BCL2L13: variants seen among roughly 807,000 people sequenced by gnomAD.
BCL2L13 encodes the protein bcl-2-like protein 13.
A neutral mutation model predicts 25.8 loss-of-function variants in BCL2L13; 13 were observed. The ratio of observed to expected loss-of-function variants is 0.50; its 90% CI spans 0.33 to 0.80. BCL2L13 has a LOEUF of 0.80. Among genes scored for constraint, BCL2L13 ranks in the 30% least tolerant of loss-of-function variants. BCL2L13 has a pLI of 0.02. For missense variants in BCL2L13, 504 were observed against 574.9 expected, an observed-to-expected ratio of 0.88 and a Z score of 1.26; for synonymous variants, 244 against 230.3, an observed-to-expected ratio of 1.06 and a Z score of -0.54.
chr22:17,722,088 C>G (rs1248540061), intron 6 of BCL2L13, among the ~76,000 whole-genome samples: 2 of 152,064 alleles, frequency 1.3e-5, no homozygotes, highest in African/African-American at 4.8e-5. Context: ...TAAATATATG[C>G]AAATAAGTAG....
At position 17,702,180 on chromosome 22, in the gene BCL2L13, A is replaced by G. The variant is rs914315172; in HGVS notation, c.457-63A>G. 3.9e-6 allele frequency: 5 copies of G among 1,269,908 alleles called. No homozygotes were observed. The South Asian group carries it at 7.9e-5, about 20-fold the overall frequency. The allele number at this position is 1,269,908 out of a possible 1,614,324, so 78.7% of individuals were successfully genotyped here. ...TTAAATATAATTTTCTAGTAGTTGA[A>G]CATATAAAACACATTATAAGAATTT... is the stretch of plus-strand genomic sequence containing the variant. On this transcript the variant is annotated intron_variant, in intron 5 of 6. Coordinates refer to ENST00000317582, the MANE Select transcript of BCL2L13 (RefSeq NM_015367.4).
At chr22:17,703,475 C>CTT (rs376749039) in intron 6 of BCL2L13, 9 of 152,116 alleles carry the variant, frequency 5.9e-5, no homozygotes, top group African/African-American at 1.9e-4. Context: ...TATGCGGACT[C>CTT]TCTTTCTTTC....
intron 2 of BCL2L13, among the ~76,000 whole-genome samples, chr22:17,664,981 C>T (rs1285434694): frequency 6.6e-6 from 1 of 152,208 alleles, no homozygotes; most frequent in Non-Finnish European, 1.5e-5. Context: ...GAGACATTTT[C>T]TCCATTGTTT....
intron 3 of BCL2L13, chr22:17,684,841 T>C (rs1265760168): frequency 9.2e-6 from 3 of 325,986 alleles, no homozygotes; most frequent in Middle Eastern, 1.1e-3. Context: ...CAGGCCATTC[T>C]CCTGCCTCAG....
At chr22:17,674,009 A>G (rs555824669) in intron 2 of BCL2L13, among the ~76,000 whole-genome samples, 34 of 152,314 alleles carry the variant, frequency 2.2e-4, no homozygotes, top group African/African-American at 7.2e-4. Context: ...ACACAAGTCT[A>G]GGACAAAGGA....
At chr22:17,663,321 G>T (rs2059131346) in intron 2 of BCL2L13, among the ~76,000 whole-genome samples, 1 of 152,262 alleles carries the variant, frequency 6.6e-6, no homozygotes, top group African/African-American at 2.4e-5. Context: ...TCCTAAGAAA[G>T]CTAGTGTAAA....
chr22:17,674,900 G>C (rs188761814), intron 2 of BCL2L13, among the ~76,000 whole-genome samples: 11 of 151,848 alleles, frequency 7.2e-5, no homozygotes, highest in African/African-American at 2.7e-4. Context: ...ATGCATAATG[G>C]AAAAATCCAA....
chr22:17,693,188 T>G (rs2060153212), intron 4 of BCL2L13, among the ~76,000 whole-genome samples: 1 of 151,434 alleles, frequency 6.6e-6, no homozygotes, highest in Non-Finnish European at 1.5e-5. Context: ...TATAATAATA[T>G]GTAATATAAA....
intron 2 of BCL2L13, among the ~76,000 whole-genome samples, chr22:17,673,178 A>G (rs923462189): frequency 6.6e-6 from 1 of 152,070 alleles, no homozygotes; most frequent in Non-Finnish European, 1.5e-5. Flanking sequence ...TGATTCAGTC[A>G]CTGATTAAAC....
intron 6 of BCL2L13, among the ~76,000 whole-genome samples, chr22:17,721,249 C>T (rs146142330): frequency 6.6e-6 from 1 of 152,264 alleles, no homozygotes; most frequent in East Asian, 1.9e-4. Flanking sequence ...TCAGGAGCCT[C>T]TTCACCTGAT....
chr22:17,690,577 A>G (rs1171369679), intron 4 of BCL2L13, among the ~76,000 whole-genome samples: 1 of 152,072 alleles, frequency 6.6e-6, no homozygotes, highest in East Asian at 1.9e-4. Flanking sequence ...TGGGCAATAT[A>G]GCCAGACCCT....
intron 1 of BCL2L13, among the ~76,000 whole-genome samples, chr22:17,632,942 C>G (rs1433161482): frequency 6.6e-6 from 1 of 151,880 alleles, no homozygotes; most frequent in East Asian, 1.9e-4. Context: ...TTAGTAGAGA[C>G]AAGGTTTCAC....
intron 2 of BCL2L13, among the ~76,000 whole-genome samples, chr22:17,669,208 AT>A (rs2059340065): frequency 6.6e-6 from 1 of 151,212 alleles, no homozygotes; most frequent in Non-Finnish European, 1.5e-5. Flanking sequence ...AGTTTTTTGT[AT>A]TTTTAGTAGA....
chr22:17,672,328 A>G (rs1383803029), intron 2 of BCL2L13, among the ~76,000 whole-genome samples: 3 of 152,156 alleles, frequency 2.0e-5, no homozygotes, highest in African/African-American at 7.2e-5. Context: ...TTTCGAAAGT[A>G]TTTTGCTCTG....
intron 2 of BCL2L13, among the ~76,000 whole-genome samples, chr22:17,662,433 G>A (rs1033262685): frequency 2.0e-5 from 3 of 152,054 alleles, no homozygotes; most frequent in Admixed American, 6.6e-5. Flanking sequence ...AGCTGAGATC[G>A]TGCCACTGCA....
chr22:17,692,314 G>T (rs1230182667), intron 4 of BCL2L13: 1 of 152,160 alleles, frequency 6.6e-6, no homozygotes, highest in Admixed American at 6.5e-5. Context: ...TTTTGTGCAT[G>T]TATGTCTGTG....
Position 17,729,608 on chromosome 22 carries a change from C to T in BCL2L13, c.*2074C>T, listed in dbSNP as rs1183497996. On this transcript the variant is annotated 3_prime_UTR_variant, in exon 7 of 7. Transcript: ENST00000317582. ...AATCGAAGCCAGGTTCATCTCTGAG[C>T]TGCTGAAAGGAGGTGTGAGGCTTAG... The T allele has an allele frequency of 6.6e-6, 1 of 152,188 alleles. No homozygotes were observed. The highest frequency in any genetic ancestry group is 1.5e-5 in the Non-Finnish European group (1 of 68,034). The allele number at this position is 152,188 out of a possible 1,614,324, so 9.4% of individuals were successfully genotyped here. A position where few individuals can be genotyped will look rare whatever the true frequency, so the allele number is the denominator to read the frequency against.
chr22:17,688,873 T>G, intron 3 of BCL2L13, 113 bp from the exon 4 acceptor site: 5 of 1,011,732 alleles, frequency 4.9e-6, no homozygotes, highest in South Asian at 2.1e-5. Flanking sequence ...GTTCAAGTGA[T>G]TCTCCTGCCT....
At chr22:17,659,652 C>T (rs1358295269) in intron 2 of BCL2L13, among the ~76,000 whole-genome samples, 2 of 143,310 alleles carry the variant, frequency 1.4e-5, no homozygotes, top group African/African-American at 2.5e-5. Flanking sequence ...CAGAACGAGA[C>T]TCCGTCAAAA....
Sources: gnomAD v4.1 joint callset for allele counts (sites outside exome capture counted in the v4.1 genomes callset) on GRCh38, gnomAD v4.1.1 for gene constraint, MANE v1.5 for transcripts, NCBI Gene and HGNC (gene_info 2026-07-23, HGNC 2026-07-21) for gene names.